Variants in LRFN5 observed in about 807,000 individuals in gnomAD.
LRFN5 encodes leucine rich repeat and fibronectin type III domain containing 5.
In LRFN5, 24 loss-of-function variants were observed where a neutral mutation model predicts 45.6. The ratio of observed to expected loss-of-function variants is 0.53; its 90% CI spans 0.38 to 0.74. The LOEUF is 0.74. Among genes scored for constraint, LRFN5 ranks in the 30% least tolerant of loss-of-function variants. The pLI is 0.00. For synonymous variants in LRFN5, 340 were observed against 313.8 expected, an observed-to-expected ratio of 1.08 and a Z score of -0.88; for missense variants, 776 against 861.5, an observed-to-expected ratio of 0.90 and a Z score of 1.24.
intron 1 of LRFN5, among the ~76,000 whole-genome samples, chr14:41,674,012 G>T (rs1215461229): frequency 6.8e-6 from 1 of 146,988 alleles, no homozygotes; most frequent in South Asian, 2.2e-4. Flanking sequence ...CTTCCCAGAC[G>T]CGGTGGCTGC....
intron 2 of LRFN5, among the ~76,000 whole-genome samples, chr14:41,842,937 C>A (rs1420265225): frequency 1.3e-5 from 2 of 152,014 alleles, no homozygotes; most frequent in African/African-American, 4.8e-5. Context: ...TGATCAAGAT[C>A]TTTGCCATTC....
intron 4 of LRFN5, among the ~76,000 whole-genome samples, chr14:41,897,115 A>G (rs1223596002): frequency 6.6e-6 from 1 of 150,558 alleles, no homozygotes; most frequent in Admixed American, 6.6e-5. Context: ...TAAATAAATA[A>G]ATAAATAAAT....
chr14:41,718,289 T>C (rs1198606403), intron 1 of LRFN5, among the ~76,000 whole-genome samples: 1 of 152,194 alleles, frequency 6.6e-6, no homozygotes, highest in Non-Finnish European at 1.5e-5. Flanking sequence ...TTGAATGTAA[T>C]TGTAGAATAT....
At chr14:41,845,144 G>C (rs1889015821) in intron 2 of LRFN5, among the ~76,000 whole-genome samples, 1 of 68,784 alleles carries the variant, frequency 1.5e-5, no homozygotes. Context: ...GGGAAAACAT[G>C]AGTAGATAAT....
At chr14:41,634,599 C>G (rs1182407923) in intron 1 of LRFN5, among the ~76,000 whole-genome samples, 1 of 152,046 alleles carries the variant, frequency 6.6e-6, no homozygotes, top group Non-Finnish European at 1.5e-5. Context: ...AGACATAGGT[C>G]CTGAAAAGTT....
At chr14:41,787,093 C>G (rs907216741) in intron 2 of LRFN5, among the ~76,000 whole-genome samples, 9 of 151,676 alleles carry the variant, frequency 5.9e-5, no homozygotes, top group Admixed American at 5.3e-4. Context: ...TTTGCTAATT[C>G]TGTTATCTCT....
chr14:41,813,224 T>G (rs1887797677), intron 2 of LRFN5, among the ~76,000 whole-genome samples: 1 of 152,164 alleles, frequency 6.6e-6, no homozygotes, highest in South Asian at 2.1e-4. Context: ...CAGTTTAAGT[T>G]CTGGGATGCA....
intron 1 of LRFN5, 143 bp downstream of exon 1, chr14:41,608,705 G>C (rs1887604938): frequency 6.6e-6 from 1 of 152,352 alleles, no homozygotes; most frequent in Admixed American, 6.5e-5. Flanking sequence ...CCTGCTCTGT[G>C]ATTTTGTAAT....
chr14:41,847,306 G>A (rs1455830039), intron 2 of LRFN5, among the ~76,000 whole-genome samples: 2 of 152,058 alleles, frequency 1.3e-5, no homozygotes, highest in Non-Finnish European at 2.9e-5. Context: ...TTCATGGGGA[G>A]TAATAGTATG....
intron 1 of LRFN5, among the ~76,000 whole-genome samples, chr14:41,627,477 T>C (rs1274673577): frequency 3.9e-5 from 6 of 152,166 alleles, no homozygotes; most frequent in Non-Finnish European, 7.4e-5. Context: ...ATTTTCCTTT[T>C]GTCAAGTGGT....
chr14:41,778,227 T>C (rs1466543507), intron 2 of LRFN5, among the ~76,000 whole-genome samples: 1 of 151,724 alleles, frequency 6.6e-6, no homozygotes, highest in Non-Finnish European at 1.5e-5. Flanking sequence ...ATTTTTAAAA[T>C]AAATGAGCAA....
chr14:41,804,151 G>A (rs1364472088), intron 2 of LRFN5, among the ~76,000 whole-genome samples: 2 of 152,052 alleles, frequency 1.3e-5, no homozygotes, highest in African/African-American at 4.8e-5. Context: ...GTGAGCCACC[G>A]TGCCTGGCCC....
In LRFN5 at chr14:41,832,141, C is replaced by T. The variant is rs551074288; in HGVS notation, c.-20-54465C>T. On this transcript the variant is annotated intron_variant, in intron 2 of 5. Transcript: ENST00000298119. ...ATGAATTTTGTGGGGAGGCACAATT[C>T]AGTCCATGGCAGTCCTCATCAAGCA... Among the ~76,000 whole-genome samples, 160 of 152,250 alleles carry T rather than the reference C, an allele frequency of 1.1e-3. 1 individual carries two copies. Among genetic ancestry groups the T allele is most frequent in the South Asian group, 2.9e-3 (14 of 4,822 alleles).
intron 5 of LRFN5, among the ~76,000 whole-genome samples, chr14:41,902,797 T>TA (rs1303910026): frequency 1.3e-5 from 2 of 151,828 alleles, no homozygotes; most frequent in East Asian, 3.9e-4. Context: ...TATAGTATCA[T>TA]AACACCTTTT....
chr14:41,763,571 G>A (rs1365034862), intron 1 of LRFN5, among the ~76,000 whole-genome samples: 2 of 152,114 alleles, frequency 1.3e-5, no homozygotes, highest in Non-Finnish European at 2.9e-5. Flanking sequence ...TGTCGTGGGA[G>A]GGACATGGTG....
At chr14:41,846,846 A>T (rs535111231) in intron 2 of LRFN5, among the ~76,000 whole-genome samples, 1 of 152,276 alleles carries the variant, frequency 6.6e-6, no homozygotes, top group South Asian at 2.1e-4. Flanking sequence ...CTGTCAGGTC[A>T]GGACCATTCC....
At chr14:41,702,964 C>T (rs914176770) in intron 1 of LRFN5, among the ~76,000 whole-genome samples, 2 of 152,040 alleles carry the variant, frequency 1.3e-5, no homozygotes, top group Non-Finnish European at 2.9e-5. Context: ...AAAACCATGG[C>T]ACCCCTTTAT....
At chr14:41,648,193 C>G (rs115774833) in intron 1 of LRFN5, among the ~76,000 whole-genome samples, 8,451 of 152,068 alleles carry the variant, frequency 0.056, 254 homozygotes, top group Admixed American at 0.085. Flanking sequence ...AGTAATTTTT[C>G]AGAAGGCTCT....
At chr14:41,882,954 T>C (rs1890436235) in intron 2 of LRFN5, among the ~76,000 whole-genome samples, 1 of 148,836 alleles carries the variant, frequency 6.7e-6, no homozygotes, top group Admixed American at 6.9e-5. Context: ...GTTTACGCCA[T>C]TCTCCTGCCT....
Sources: gnomAD v4.1 joint callset for allele counts (sites outside exome capture counted in the v4.1 genomes callset) on GRCh38, gnomAD v4.1.1 for gene constraint, MANE v1.5 for transcripts, NCBI Gene and HGNC (gene_info 2026-07-23, HGNC 2026-07-21) for gene names.